The following ZFPM2 variants were observed in gnomAD, a reference collection of about 807,000 sequenced individuals.
ZFPM2 encodes the protein zinc finger protein, FOG family member 2.
ZFPM2 carries 20 observed loss-of-function variants against 98.6 expected under a neutral mutation model. That is an observed-to-expected ratio of 0.20 (90% CI 0.14 to 0.29). The LOEUF (loss-of-function observed/expected upper bound fraction) is 0.29. ZFPM2 is among the 10% of genes least tolerant of loss of function. ZFPM2 has a pLI of 1.00. For synonymous variants in ZFPM2, 518 were observed against 502.7 expected, an observed-to-expected ratio of 1.03 and a Z score of -0.41; for missense variants, 1,310 against 1,388.6, an observed-to-expected ratio of 0.94 and a Z score of 0.90.
chr8:105,772,215 T>C (rs927883249), intron 5 of ZFPM2, among the ~76,000 whole-genome samples: 3 of 152,162 alleles, frequency 2.0e-5, no homozygotes, highest in African/African-American at 7.2e-5. Context: ...GGGTTGAGAA[T>C]GTAGTGTGAT....
At position 105,437,122 on chromosome 8, in the gene ZFPM2, A is replaced by C. The variant is rs554940872; in HGVS notation, c.200-7158A>C. On this transcript the variant is annotated intron_variant, in intron 2 of 7. Coordinates refer to ENST00000407775, the MANE Select transcript of ZFPM2 (RefSeq NM_012082.4). ...AGTTTAAACTATTCTTTCCTCTCCA[A>C]ATTTTTTTATTAATGTGATATATAT... is the stretch of plus-strand genomic sequence containing the variant. 2.6e-5 allele frequency among the ~76,000 whole-genome samples: 4 copies of C among 152,018 alleles called. No homozygotes were observed. In the South Asian group the frequency reaches 8.3e-4, roughly 31 times the overall value.
intron 5 of ZFPM2, among the ~76,000 whole-genome samples, chr8:105,759,239 A>T (rs1239501303): frequency 2.0e-5 from 3 of 152,100 alleles, no homozygotes; most frequent in Admixed American, 6.6e-5. Flanking sequence ...TAGCCTTTTA[A>T]TTTTAAAGAT....
At chr8:105,713,233 G>A (rs534157169) in intron 5 of ZFPM2, among the ~76,000 whole-genome samples, 3 of 152,000 alleles carry the variant, frequency 2.0e-5, no homozygotes, top group Non-Finnish European at 2.9e-5. Context: ...ATTCTGACTG[G>A]TGTGAGATGC....
intron 5 of ZFPM2, among the ~76,000 whole-genome samples, chr8:105,661,174 T>G (rs1817381448): frequency 6.6e-6 from 1 of 152,204 alleles, no homozygotes; most frequent in Admixed American, 6.5e-5. Context: ...AATTGCTTAA[T>G]AAGCTTCGAA....
intron 5 of ZFPM2, among the ~76,000 whole-genome samples, chr8:105,705,319 A>G (rs1284182171): frequency 1.3e-5 from 2 of 152,166 alleles, no homozygotes; most frequent in East Asian, 3.9e-4. Flanking sequence ...TTATACTTCA[A>G]AAGAAACTAA....
At position 105,801,649 on chromosome 8, in the gene ZFPM2, C is replaced by T; in HGVS notation, c.1567C>T (p.Leu523=). ...ASEILAKMSE[L]VHRRLRHGSS... is the part of the protein sequence containing the mutation. ...AGAGATCTTAGCTAAGATGTCTGAA[C>T]TGGTGCATCGGCGACTGAGGCATGG... is the stretch of plus-strand genomic sequence containing the variant. The change falls in exon 8 of 8, where the codon CTG becomes TTG. Residue 523 remains leucine (L), a synonymous_variant. Coordinates refer to ENST00000407775, the MANE Select transcript of ZFPM2 (RefSeq NM_012082.4). 1 of 1,613,698 alleles carries T rather than the reference C, an allele frequency of 6.2e-7. No individual in the cohort carries two copies. Among genetic ancestry groups the T allele is most frequent in the Non-Finnish European group, 8.5e-7 (1 of 1,179,872 alleles).
intron 5 of ZFPM2, among the ~76,000 whole-genome samples, chr8:105,637,126 T>G (rs2130844552): frequency 6.6e-6 from 1 of 152,260 alleles, no homozygotes; most frequent in Non-Finnish European, 1.5e-5. Flanking sequence ...TTTTCTCATT[T>G]TACACCTATG....
At chr8:105,512,704 T>C (rs1458413462) in intron 3 of ZFPM2, among the ~76,000 whole-genome samples, 2 of 152,224 alleles carry the variant, frequency 1.3e-5, no homozygotes, top group Non-Finnish European at 2.9e-5. Context: ...TGGTTAACTT[T>C]ATAAATGTCA....
chr8:105,600,503 C>A (rs1442208342), intron 4 of ZFPM2, among the ~76,000 whole-genome samples: 4 of 151,842 alleles, frequency 2.6e-5, no homozygotes, highest in African/African-American at 9.7e-5. Flanking sequence ...AAATATTAAT[C>A]AAAAGTTTCC....
At chr8:105,528,254 T>TA (rs1004728255) in intron 3 of ZFPM2, among the ~76,000 whole-genome samples, 4 of 152,044 alleles carry the variant, frequency 2.6e-5, no homozygotes, top group African/African-American at 9.7e-5. Context: ...TCTGCATTTC[T>TA]AAAAAACTCA....
intron 1 of ZFPM2, among the ~76,000 whole-genome samples, chr8:105,394,355 T>A (rs145897764): frequency 2.3e-4 from 35 of 152,318 alleles, no homozygotes; most frequent in African/African-American, 7.9e-4. Context: ...ACATGCTAAC[T>A]CTGTGGAAAT....
intron 5 of ZFPM2, among the ~76,000 whole-genome samples, chr8:105,780,045 A>G (rs1813204978): frequency 6.6e-6 from 1 of 152,238 alleles, no homozygotes; most frequent in Non-Finnish European, 1.5e-5. Context: ...TACTTAGAAC[A>G]GCAAATATAT....
chr8:105,621,144 G>T (rs1052483028), intron 4 of ZFPM2, among the ~76,000 whole-genome samples: 2 of 152,110 alleles, frequency 1.3e-5, no homozygotes, highest in African/African-American at 2.4e-5. Flanking sequence ...TCACCATATT[G>T]ATTCTTCCAA....
At chr8:105,384,534 A>G (rs1810947384) in intron 1 of ZFPM2, among the ~76,000 whole-genome samples, 1 of 152,056 alleles carries the variant, frequency 6.6e-6, no homozygotes, top group Admixed American at 6.6e-5. Context: ...CCACAGAGAC[A>G]GATGGGCCTA....
chr8:105,456,146 G>GTTTTTTTTTTTTTTTTTTTTTTTTTT (rs200639878), intron 3 of ZFPM2, among the ~76,000 whole-genome samples: 1 of 93,284 alleles, frequency 1.1e-5, no homozygotes. Context: ...CCAGGAAAAT[G>GTTTTTTTTTTTTTTTTTTTTTTTTTT]TTTTTTTTTG....
intron 5 of ZFPM2, among the ~76,000 whole-genome samples, chr8:105,746,645 G>A (rs370508622): frequency 6.9e-5 from 8 of 116,016 alleles, no homozygotes; most frequent in Middle Eastern, 5.3e-3. Context: ...TTCTTGTTCT[G>A]TTTTTAAAAA....
chr8:105,647,135 C>T (rs1817063991), intron 5 of ZFPM2, among the ~76,000 whole-genome samples: 2 of 152,130 alleles, frequency 1.3e-5, no homozygotes, highest in Non-Finnish European at 2.9e-5. Context: ...TCTTGTTGGC[C>T]TGCAGCTCTT....
chr8:105,652,954 A>C (rs147835316), intron 5 of ZFPM2, among the ~76,000 whole-genome samples: 9 of 151,302 alleles, frequency 5.9e-5, no homozygotes, highest in African/African-American at 2.2e-4. Flanking sequence ...GTAGATTTCT[A>C]GATTAAATTA....
chr8:105,709,243 A>G (rs1811327057), intron 5 of ZFPM2, among the ~76,000 whole-genome samples: 1 of 152,160 alleles, frequency 6.6e-6, no homozygotes, highest in Non-Finnish European at 1.5e-5. Flanking sequence ...CAACATTTTC[A>G]CTCATCAATC....
Sources: allele counts gnomAD v4.1 joint callset (sites outside exome capture counted in the v4.1 genomes callset), GRCh38; gene constraint gnomAD v4.1.1; transcripts MANE v1.5; gene names NCBI Gene and HGNC (gene_info 2026-07-23, HGNC 2026-07-21).